The following PTPN13 variants were observed in gnomAD, a reference collection of about 807,000 sequenced individuals.
The protein encoded by PTPN13 is protein tyrosine phosphatase non-receptor type 13.
Under a neutral mutation model 284.0 loss-of-function variants are expected in PTPN13, and 191 were observed. The ratio of observed to expected loss-of-function variants is 0.67; its 90% confidence interval spans 0.60 to 0.76. PTPN13 has a LOEUF of 0.76. Among genes scored for constraint, PTPN13 ranks in the 30% least tolerant of loss-of-function variants. PTPN13 has a pLI of 0.00. For synonymous variants in PTPN13, 986 were observed against 1,022.3 expected, an observed-to-expected ratio of 0.96 and a Z score of 0.68; for missense variants, 2,797 against 2,939.9, an observed-to-expected ratio of 0.95 and a Z score of 1.12.
At chr4:86,665,875 C>A (rs980744231) in intron 2 of PTPN13, among the ~76,000 whole-genome samples, 2 of 152,054 alleles carry the variant, frequency 1.3e-5, no homozygotes, top group African/African-American at 4.8e-5. Flanking sequence ...CAAGGAGTGA[C>A]TTTTCTTAGA....
chr4:86,769,490 T>C (rs946003043), intron 28 of PTPN13, among the ~76,000 whole-genome samples: 4 of 152,208 alleles, frequency 2.6e-5, no homozygotes, highest in Admixed American at 2.6e-4. Flanking sequence ...AACACACAAG[T>C]TTGATGCATA....
intron 7 of PTPN13, among the ~76,000 whole-genome samples, chr4:86,714,992 C>T (rs1732852458): frequency 6.6e-6 from 1 of 151,930 alleles, no homozygotes; most frequent in Admixed American, 6.6e-5. Flanking sequence ...TAGAGGCTTC[C>T]TTTAAAGGTT....
At chr4:86,805,773 A>G (rs995083996) in intron 44 of PTPN13, among the ~76,000 whole-genome samples, 6 of 152,194 alleles carry the variant, frequency 3.9e-5, no homozygotes, top group African/African-American at 9.7e-5. Flanking sequence ...AGAAATATCT[A>G]TGGTAATGAA....
chr4:86,631,383 G>A (rs555016621), intron 1 of PTPN13, among the ~76,000 whole-genome samples: 1 of 152,140 alleles, frequency 6.6e-6, no homozygotes, highest in Non-Finnish European at 1.5e-5. Flanking sequence ...AAATAAACAT[G>A]TGAGAGAGAA....
intron 24 of PTPN13, among the ~76,000 whole-genome samples, chr4:86,763,677 G>A (rs1263253805): frequency 6.6e-6 from 1 of 152,172 alleles, no homozygotes. Flanking sequence ...GGAAGCAGAG[G>A]TGGGAGGATT....
chr4:86,765,542 A>G (rs1739203093), intron 26 of PTPN13, 54 bp downstream of exon 26: 4 of 1,230,248 alleles, frequency 3.3e-6, no homozygotes, highest in East Asian at 2.6e-5. Flanking sequence ...CAACAAATAG[A>G]TAAGAAATTA....
At chr4:86,694,437 G>T (rs144895459) in intron 6 of PTPN13, among the ~76,000 whole-genome samples, 4,905 of 151,190 alleles carry the variant, frequency 0.032, 251 homozygotes, top group African/African-American at 0.1. Flanking sequence ...AAAATTAGCC[G>T]GGCATGGTGG....
At chr4:86,646,290 A>ATTT (rs772882076) in intron 2 of PTPN13, among the ~76,000 whole-genome samples, 2 of 132,850 alleles carry the variant, frequency 1.5e-5, no homozygotes, top group East Asian at 2.1e-4. Context: ...AATATTTGCA[A>ATTT]TTTTTTTTTT....
chr4:86,732,159 A>G lies in PTPN13; in HGVS notation c.1609-241A>G, dbSNP rs536333968. 6.6e-5 allele frequency among the ~76,000 whole-genome samples: 10 copies of G among 152,336 alleles called. No individual in the cohort carries two copies. In the South Asian group the frequency reaches 2.1e-3, roughly 32 times the overall value. On this transcript the variant is annotated intron_variant, in intron 10 of 47. Transcript: ENST00000411767. ...AGGCATTATGTTTGACATCAATAGTAGAAAACAAAGATGGGGAACAACTTG... is the reference window on the plus strand; with the variant it reads ...AGGCATTATGTTTGACATCAATAGTGGAAAACAAAGATGGGGAACAACTTG...
At chr4:86,737,905 T>A (rs1392928357) in intron 15 of PTPN13, among the ~76,000 whole-genome samples, 1 of 152,064 alleles carries the variant, frequency 6.6e-6, no homozygotes, top group Non-Finnish European at 1.5e-5. Context: ...ATTTTTTATA[T>A]TTTTAGCAGA....
chr4:86,672,288 G>A (rs1036354325), intron 2 of PTPN13, 77 bp from the exon 3 acceptor site: 4 of 1,231,826 alleles, frequency 3.2e-6, no homozygotes, highest in Non-Finnish European at 4.4e-6. Context: ...TGAAGTGATT[G>A]CTGTTTCCTG....
intron 20 of PTPN13, 120 bp from the exon 21 acceptor site, chr4:86,758,138 AAT>A (rs1311082383): frequency 1.6e-5 from 9 of 569,552 alleles, no homozygotes; most frequent in African/African-American, 1.5e-4. Context: ...GTAAACTTAA[AAT>A]ATATGTTTAA....
chr4:86,700,404 T>A (rs947166181), intron 6 of PTPN13, among the ~76,000 whole-genome samples: 5 of 152,158 alleles, frequency 3.3e-5, no homozygotes, highest in African/African-American at 1.2e-4. Context: ...TTGTTGAATC[T>A]ATGGATTCAC....
intron 2 of PTPN13, among the ~76,000 whole-genome samples, chr4:86,656,684 G>C (rs1480375100): frequency 1.3e-5 from 2 of 152,212 alleles, no homozygotes; most frequent in African/African-American, 4.8e-5. Flanking sequence ...GGACCCACTT[G>C]AGGAGGCAGT....
intron 1 of PTPN13, among the ~76,000 whole-genome samples, chr4:86,600,688 G>GT (rs1764230270): frequency 6.6e-6 from 1 of 151,654 alleles, no homozygotes; most frequent in Non-Finnish European, 1.5e-5. Context: ...GTTCTGTTTT[G>GT]TTTTTTGAGG....
At chr4:86,753,131 G>T in intron 20 of PTPN13, 66 bp downstream of exon 20, 1 of 1,268,210 alleles carries the variant, frequency 7.9e-7, no homozygotes, top group South Asian at 1.4e-5. Context: ...GATAGTCTTG[G>T]ACCTAACAAT....
chr4:86,686,102 C>T (rs895653452), intron 3 of PTPN13, among the ~76,000 whole-genome samples: 5 of 152,178 alleles, frequency 3.3e-5, no homozygotes, highest in African/African-American at 1.2e-4. Context: ...TGGGTCACGC[C>T]TATAATCCCA....
intron 35 of PTPN13, among the ~76,000 whole-genome samples, chr4:86,776,670 G>C (rs1740686226): frequency 6.6e-6 from 1 of 152,116 alleles, no homozygotes; most frequent in African/African-American, 2.4e-5. Context: ...TATTAGCCTA[G>C]CCTAGCCTAC....
Position 86,726,990 on chromosome 4 carries a change from A to G in PTPN13, c.1608+4556A>G, listed in dbSNP as rs552789512. ...TTATTATTTTGAAGTAAGTTCCACC[A>G]ATACCTAGTTTATTGAGAGTTTTTA... On this transcript the variant is annotated intron_variant, in intron 10 of 47. Coordinates refer to ENST00000411767, the MANE Select transcript of PTPN13 (RefSeq NM_080683.3). 1.3e-5 allele frequency among the ~76,000 whole-genome samples: 2 copies of G among 149,690 alleles called. 1 individual carries two copies. Among genetic ancestry groups the G allele is most frequent in the Non-Finnish European group, 3.0e-5 (2 of 66,624 alleles).
Sources: allele counts gnomAD v4.1 joint callset (sites outside exome capture counted in the v4.1 genomes callset), GRCh38; gene constraint gnomAD v4.1.1; transcripts MANE v1.5; gene names NCBI Gene and HGNC (gene_info 2026-07-23, HGNC 2026-07-21).